The following GABRB2 variants were observed in gnomAD, a reference collection of about 807,000 sequenced individuals.
The protein encoded by GABRB2 is gamma-aminobutyric acid type A receptor subunit beta2.
Under a neutral mutation model 54.7 loss-of-function variants are expected in GABRB2, and 16 were observed. That is an observed-to-expected ratio of 0.29 (90% CI 0.20 to 0.44). The LOEUF (loss-of-function observed/expected upper bound fraction) is 0.44, where lower values mean the gene tolerates loss of function less well. GABRB2 is among the 20% of genes least tolerant of loss of function. The probability of loss-of-function intolerance (pLI) is 1.00; values close to 1 mark genes in which losing one functional copy is unlikely to be tolerated. For missense variants in GABRB2, 355 were observed against 644.0 expected (o/e 0.55, Z 4.86); for synonymous variants, 244 against 233.8 (o/e 1.04, Z -0.40).
chr5:161,341,937 TTATATATATATATATA>T (rs1237952955), intron 5 of GABRB2, among the ~76,000 whole-genome samples: 8 of 75,708 alleles, frequency 1.1e-4, no homozygotes, highest in East Asian at 9.0e-4. Flanking sequence ...ATTTTTTCTT[TTATATATATATATATA>T]TATATATATA....
intron 3 of GABRB2, among the ~76,000 whole-genome samples, chr5:161,495,958 C>A (rs193073217): frequency 3.6e-4 from 55 of 152,266 alleles, no homozygotes; most frequent in Admixed American, 2.7e-3. Context: ...ACATTTGCAT[C>A]CCCACTGGAC....
At chr5:161,481,157 T>C (rs1038076406) in intron 3 of GABRB2, among the ~76,000 whole-genome samples, 8 of 152,146 alleles carry the variant, frequency 5.3e-5, no homozygotes, top group Admixed American at 4.6e-4. Context: ...AGCACAGCAT[T>C]TTATATACTA....
intron 3 of GABRB2, among the ~76,000 whole-genome samples, chr5:161,544,796 C>T (rs1369702459): frequency 6.6e-6 from 1 of 152,074 alleles, no homozygotes; most frequent in Non-Finnish European, 1.5e-5. Flanking sequence ...AACGAGTGGG[C>T]ATCAGTATTC....
At chr5:161,368,536 C>A (rs1218492375) in intron 5 of GABRB2, among the ~76,000 whole-genome samples, 1 of 152,146 alleles carries the variant, frequency 6.6e-6, no homozygotes, top group East Asian at 1.9e-4. Flanking sequence ...TGGAAGATTT[C>A]TAGCTTCTCT....
chr5:161,409,860 G>A (rs1355650590), intron 5 of GABRB2, among the ~76,000 whole-genome samples: 1 of 151,998 alleles, frequency 6.6e-6, no homozygotes, highest in African/African-American at 2.4e-5. Flanking sequence ...TCATTAACTA[G>A]TTCTATAAGG....
intron 3 of GABRB2, among the ~76,000 whole-genome samples, chr5:161,514,304 G>A (rs1162229375): frequency 6.6e-6 from 1 of 152,096 alleles, no homozygotes; most frequent in Non-Finnish European, 1.5e-5. Flanking sequence ...TTCTAAAACA[G>A]TTCCTCCATC....
At chr5:161,387,753 A>G (rs1755690988) in intron 5 of GABRB2, among the ~76,000 whole-genome samples, 1 of 152,194 alleles carries the variant, frequency 6.6e-6, no homozygotes, top group Non-Finnish European at 1.5e-5. Flanking sequence ...GAAACTCTAA[A>G]ATCAAATGCA....
chr5:161,546,436 G>A (rs1353606492), intron 1 of GABRB2, 23 bp from the exon 2 acceptor site: 1 of 1,604,444 alleles, frequency 6.2e-7, no homozygotes, highest in Non-Finnish European at 8.5e-7. Flanking sequence ...ATGACAATAA[G>A]CAGGCATCAA....
chr5:161,495,226 C>A (rs1759197724), intron 3 of GABRB2, among the ~76,000 whole-genome samples: 2 of 151,842 alleles, frequency 1.3e-5, no homozygotes, highest in South Asian at 4.1e-4. Flanking sequence ...AAGAAACTTT[C>A]CTTGAATAAG....
At chr5:161,463,303 C>T (rs1490196063) in intron 3 of GABRB2, among the ~76,000 whole-genome samples, 2 of 131,994 alleles carry the variant, frequency 1.5e-5, no homozygotes. Context: ...AAGTAGCATG[C>T]ATGTACACAC....
intron 4 of GABRB2, among the ~76,000 whole-genome samples, chr5:161,455,742 A>G (rs1757936092): frequency 6.6e-6 from 1 of 151,964 alleles, no homozygotes; most frequent in South Asian, 2.1e-4. Flanking sequence ...TATTTTGCCC[A>G]GGCTGGTCCT....
chr5:161,516,319 T>A (rs1373582474), intron 3 of GABRB2, among the ~76,000 whole-genome samples: 3 of 152,230 alleles, frequency 2.0e-5, no homozygotes, highest in Non-Finnish European at 4.4e-5. Context: ...TTTCATTTAA[T>A]GCTCATAACA....
rs1757230776 is a variant in GABRB2 at position 161,291,269 on chromosome 5, A to G, written c.*2812T>C. The stretch of plus-strand genomic sequence containing the variant: ...TATCTGGCTGTTTATAATTAAAAGA[A>G]AATCTATACATATGTATAAACTGAT... On this transcript the variant is annotated 3_prime_UTR_variant, in exon 10 of 10. Transcript: ENST00000393959. The G allele has an allele frequency of 6.6e-6, 1 of 152,386 alleles. No individual in the cohort carries two copies. Among genetic ancestry groups the G allele is most frequent in the East Asian group, 1.9e-4 (1 of 5,190 alleles). The allele number at this position is 152,386 out of a possible 1,614,324, so 9.4% of individuals were successfully genotyped here. A position where few individuals can be genotyped will look rare whatever the true frequency, so the allele number is the denominator to read the frequency against.
intron 3 of GABRB2, among the ~76,000 whole-genome samples, chr5:161,524,878 C>A (rs1412288936): frequency 6.6e-6 from 1 of 151,256 alleles, no homozygotes; most frequent in African/African-American, 2.4e-5. Context: ...CAACACAATT[C>A]TTATTTAATT....
chr5:161,386,323 A>C (rs537951027), intron 5 of GABRB2, among the ~76,000 whole-genome samples: 2 of 152,236 alleles, frequency 1.3e-5, no homozygotes, highest in East Asian at 3.9e-4. Flanking sequence ...CTCCACAGTA[A>C]AGACAGTCCA....
Position 161,330,926 on chromosome 5 carries a change from G to A in GABRB2, c.1034C>T (p.Ala345Val). The A allele has an allele frequency of 1.2e-6, 2 of 1,614,196 alleles. No individual in the cohort carries two copies. Among genetic ancestry groups the A allele is most frequent in the Non-Finnish European group, 1.7e-6 (2 of 1,180,038 alleles). Residue 345 changes from alanine to valine, a missense_variant, in exon 8 of 10, where the codon GCT becomes GTT. Transcript: ENST00000393959. ...PQRQKKAAEK[A>V]ASANNEKMRL... ...CATCTTCTCATTGTTGGCACTGGCAGCCTTCTCAGCTGCTTTCTTTTGGCG... is the reference window on the plus strand; with the variant it reads ...CATCTTCTCATTGTTGGCACTGGCAACCTTCTCAGCTGCTTTCTTTTGGCG...
chr5:161,334,234 T>C (rs758524384), intron 7 of GABRB2, among the ~76,000 whole-genome samples: 9 of 151,986 alleles, frequency 5.9e-5, no homozygotes, highest in Non-Finnish European at 1.3e-4. Context: ...TTTGTGTTTG[T>C]TAGAAAAAAA....
chr5:161,546,285 G>T, intron 2 of GABRB2, 37 bp downstream of exon 2: 1 of 1,545,998 alleles, frequency 6.5e-7, no homozygotes, highest in Non-Finnish European at 8.9e-7. Context: ...GACAGCTTCG[G>T]CTGTGGCTGG....
intron 5 of GABRB2, among the ~76,000 whole-genome samples, chr5:161,405,398 A>G (rs1316515505): frequency 6.6e-6 from 1 of 152,124 alleles, no homozygotes; most frequent in African/African-American, 2.4e-5. Context: ...AAATATCAGT[A>G]CCAAGCATTG....
Sources: gnomAD v4.1 joint callset for allele counts (sites outside exome capture counted in the v4.1 genomes callset) on GRCh38, gnomAD v4.1.1 for gene constraint, MANE v1.5 for transcripts, NCBI Gene and HGNC (gene_info 2026-07-23, HGNC 2026-07-21) for gene names.